The following FIBCD1 variants were observed in gnomAD, a reference collection of about 807,000 sequenced individuals.
The protein encoded by FIBCD1 is fibrinogen C domain-containing protein 1.
A neutral mutation model predicts 45.1 loss-of-function variants in FIBCD1; 47 were observed. The observed-to-expected ratio is 1.04, with a 90% CI of 0.82 to 1.33. The LOEUF (loss-of-function observed/expected upper bound fraction) is 1.33. Among genes scored for constraint, FIBCD1 ranks in the 40% most tolerant of loss-of-function variants. FIBCD1 has a pLI of 0.00. For synonymous variants in FIBCD1, 313 were observed against 308.1 expected (o/e 1.02, Z -0.17); for missense variants, 653 against 682.2 (o/e 0.96, Z 0.48).
intron 5 of FIBCD1, among the ~76,000 whole-genome samples, 153 bp downstream of exon 5, chr9:130,911,639 C>T (rs986337271): frequency 2.6e-5 from 4 of 152,234 alleles, no homozygotes; most frequent in African/African-American, 9.6e-5. Context: ...GAATGCCTGT[C>T]ACCTTCATGC....
chr9:130,932,624 G>A (rs923918551), intron 1 of FIBCD1, among the ~76,000 whole-genome samples: 5 of 152,146 alleles, frequency 3.3e-5, no homozygotes, highest in African/African-American at 1.2e-4. Flanking sequence ...CTTCCTCCAG[G>A]AAGCCTTCCT....
intron 1 of FIBCD1, among the ~76,000 whole-genome samples, chr9:130,937,859 C>A: frequency 6.6e-6 from 1 of 152,218 alleles, no homozygotes; most frequent in East Asian, 1.9e-4. Flanking sequence ...TCCACTGCCC[C>A]TGAAGAGGCA....
chr9:130,932,987 G>T (rs1832464010), intron 1 of FIBCD1, among the ~76,000 whole-genome samples: 1 of 152,126 alleles, frequency 6.6e-6, no homozygotes, highest in Admixed American at 6.6e-5. Context: ...TGGCAGAGAG[G>T]TCATCCGTCT....
intron 2 of FIBCD1, among the ~76,000 whole-genome samples, chr9:130,929,281 CT>C (rs978859067): frequency 1.5e-4 from 23 of 152,168 alleles, no homozygotes; most frequent in African/African-American, 5.6e-4. Context: ...GCCCCAAGCC[CT>C]GGATTTACTG....
At position 130,905,766 on chromosome 9, in the gene FIBCD1, G is replaced by A. The variant is rs1831916475; in HGVS notation, c.947-353C>T. Among the ~76,000 whole-genome samples, 5 of 152,336 alleles carry A rather than the reference G, an allele frequency of 3.3e-5. No homozygotes were observed. In the Middle Eastern group the frequency reaches 0.014, roughly 415 times the overall value. On this transcript the variant is annotated intron_variant, in intron 5 of 6. Coordinates refer to ENST00000372338, the MANE Select transcript of FIBCD1 (RefSeq NM_032843.5). ...CCAGAGCCAGACAGACAGGATCTGT[G>A]TTCGCATTTTCCTATACCTGGCCTC... is the stretch of plus-strand genomic sequence containing the variant.
chr9:130,935,931 G>A (rs767601894), intron 1 of FIBCD1, among the ~76,000 whole-genome samples: 3 of 152,156 alleles, frequency 2.0e-5, no homozygotes, highest in African/African-American at 2.4e-5. Flanking sequence ...GAAAATCCCC[G>A]TTAAAGAACC....
At chr9:130,908,786 C>T (rs1346204973) in intron 5 of FIBCD1, among the ~76,000 whole-genome samples, 4 of 152,156 alleles carry the variant, frequency 2.6e-5, no homozygotes, top group Admixed American at 2.6e-4. Context: ...GTGACCTTCC[C>T]TGTTGTCGGC....
intron 1 of FIBCD1, chr9:130,936,090 A>G (rs1262290387): frequency 6.6e-6 from 1 of 152,252 alleles, no homozygotes; most frequent in African/African-American, 2.4e-5. Flanking sequence ...GCAGTTTGCA[A>G]AACACACCAG....
intron 1 of FIBCD1, among the ~76,000 whole-genome samples, chr9:130,937,340 C>A (rs1001350282): frequency 6.6e-6 from 1 of 152,194 alleles, no homozygotes; most frequent in African/African-American, 2.4e-5. Flanking sequence ...TGCCAACGTG[C>A]TGTGTGACTT....
At chr9:130,928,198 T>A (rs192304895) in intron 2 of FIBCD1, among the ~76,000 whole-genome samples, 80 of 152,330 alleles carry the variant, frequency 5.3e-4, no homozygotes, top group African/African-American at 1.8e-3. Context: ...ATATGTCAGG[T>A]GAGCTGGCAC....
chr9:130,909,043 C>A (rs1831988013), intron 5 of FIBCD1, among the ~76,000 whole-genome samples: 1 of 152,158 alleles, frequency 6.6e-6, no homozygotes, highest in Admixed American at 6.5e-5. Flanking sequence ...CGCTCTCAGC[C>A]TCTCAGGTGG....
chr9:130,918,242 G>T (rs1249246708), intron 4 of FIBCD1, among the ~76,000 whole-genome samples: 4 of 152,280 alleles, frequency 2.6e-5, no homozygotes, highest in Non-Finnish European at 5.9e-5. Flanking sequence ...CTGAGAAGGA[G>T]TGAGTCCCTC....
chr9:130,936,243 A>G (rs73656075), intron 1 of FIBCD1: 7,409 of 152,438 alleles, frequency 0.049, 412 homozygotes, highest in African/African-American at 0.14. Flanking sequence ...TGGGTGAGAC[A>G]AACCTGGCCA....
At chr9:130,911,454 T>G (rs1050659853) in intron 5 of FIBCD1, among the ~76,000 whole-genome samples, 8 of 152,196 alleles carry the variant, frequency 5.3e-5, no homozygotes, top group Non-Finnish European at 1.0e-4. Context: ...TCCTGCTGCC[T>G]GGGATGCTGC....
rs1473226253 is a variant in FIBCD1, at chr9:130,922,149, TC to T, written c.849+1594del. On this transcript the variant is annotated intron_variant, in intron 4 of 6. Transcript: ENST00000372338. The surrounding 1 kb of genome is among the most constrained non-coding windows in gnomAD (Gnocchi z 4.5). ...CTTGTTTTGTCTGATGTTAAGCCCT[TC>T]CCCCAGATGTTTGTGGGCCTGGACA... 6.6e-6 allele frequency among the ~76,000 whole-genome samples: 1 copy of T among 152,106 alleles called. No homozygotes were observed. The highest frequency in any genetic ancestry group is 1.5e-5 in the Non-Finnish European group (1 of 68,028).
At chr9:130,913,153 T>C (rs1352793274) in intron 4 of FIBCD1, among the ~76,000 whole-genome samples, 1 of 152,226 alleles carries the variant, frequency 6.6e-6, no homozygotes, top group Non-Finnish European at 1.5e-5. Flanking sequence ...AGTACCACGC[T>C]GGCCCGGGCC....
chr9:130,910,421 C>T (rs1023769905), intron 5 of FIBCD1, among the ~76,000 whole-genome samples: 1 of 152,244 alleles, frequency 6.6e-6, no homozygotes, highest in Admixed American at 6.5e-5. Flanking sequence ...CCGTGGGCTC[C>T]TGTGCGGCCC....
intron 4 of FIBCD1, among the ~76,000 whole-genome samples, chr9:130,913,736 C>T (rs1468919488): frequency 6.6e-6 from 1 of 152,192 alleles, no homozygotes; most frequent in African/African-American, 2.4e-5. Flanking sequence ...AAGGCCTAAT[C>T]CTAGCAGAAG....
Position 130,924,260 on chromosome 9 carries a change from G to A in FIBCD1, c.689C>T (p.Thr230Ile), listed in dbSNP as rs1220274365. The A allele has an allele frequency of 6.3e-7, 1 of 1,599,004 alleles. No homozygotes were observed. Among genetic ancestry groups the A allele is most frequent in the Admixed American group, 1.7e-5 (1 of 58,380 alleles). Residue 230 changes from threonine (T) to isoleucine (I), a missense_variant, in exon 3 of 7, where the codon ACC becomes ATC. By Grantham distance (89) the Thr-to-Ile change is moderately conservative. Coordinates refer to ENST00000372338, the MANE Select transcript of FIBCD1 (RefSeq NM_032843.5). ...ACCAGTGGCACAGCCCCGGGGCCGG[G>A]TTCCCCGGGCAGGCGCTCTCTGAAG... The part of the protein sequence containing the change: ...ADLQRAPARG[T>I]RPRGCATGSR...
Sources: allele counts gnomAD v4.1 joint callset (sites outside exome capture counted in the v4.1 genomes callset), GRCh38; gene constraint gnomAD v4.1.1; non-coding constraint Gnocchi (gnomAD v3.1); transcripts MANE v1.5; gene names NCBI Gene and HGNC (gene_info 2026-07-23, HGNC 2026-07-21).